Variants in HECW1 observed in about 807,000 individuals in gnomAD.
HECW1 encodes the protein E3 ubiquitin-protein ligase HECW1.
HECW1 carries 61 observed loss-of-function variants against 182.3 expected under a neutral mutation model. The observed-to-expected ratio is 0.33, with a 90% confidence interval of 0.27 to 0.41. The LOEUF (loss-of-function observed/expected upper bound fraction) is 0.41, where lower values mean the gene tolerates loss of function less well. HECW1 is among the 10% of genes least tolerant of loss of function. The pLI, the probability that HECW1 is intolerant of heterozygous loss-of-function variation, is 1.00. For missense variants in HECW1, 1,739 were observed against 2,108.9 expected, an observed-to-expected ratio of 0.82 and a Z score of 3.44; for synonymous variants, 859 against 832.6, an observed-to-expected ratio of 1.03 and a Z score of -0.55.
intron 2 of HECW1, among the ~76,000 whole-genome samples, chr7:43,129,562 C>G (rs895691380): frequency 2.0e-5 from 3 of 152,064 alleles, no homozygotes; most frequent in African/African-American, 7.2e-5. Flanking sequence ...CACTTTATTG[C>G]AGTGGTCTGG....
At chr7:43,496,038 C>G (rs1252440626) in intron 19 of HECW1, among the ~76,000 whole-genome samples, 1 of 151,942 alleles carries the variant, frequency 6.6e-6, no homozygotes, top group East Asian at 1.9e-4. Flanking sequence ...TTCCAAAAGG[C>G]AGTAGACTGT....
rs2304329 is a variant in HECW1 at position 43,466,460 on chromosome 7, A to T, written c.2805A>T (p.Glu935Asp). The change falls in exon 15 of 30, where the codon GAA becomes GAT. Residue 935 changes from glutamate (E) to aspartate (D), a missense_variant. Coordinates refer to ENST00000395891, the MANE Select transcript of HECW1 (RefSeq NM_015052.5). ...ACTTTTTTTCAGATCTAAGGAGAGA[A>T]GGGTCACTTTCTCCAGTGAACTCAC... Reference protein sequence around the residue: ...SSQSSLDLRREGSLSPVNSQK... With the variant: ...SSQSSLDLRRDGSLSPVNSQK... 6.2e-7 allele frequency: 1 copy of T among 1,609,660 alleles called. No individual in the cohort carries two copies. The highest frequency in any genetic ancestry group is 1.7e-5 in the Admixed American group (1 of 59,946).
intron 3 of HECW1, among the ~76,000 whole-genome samples, chr7:43,277,890 T>G (rs1331828506): frequency 6.6e-6 from 1 of 152,180 alleles, no homozygotes; most frequent in Non-Finnish European, 1.5e-5. Context: ...CAGCTTGATG[T>G]GCTTCCAGGA....
chr7:43,346,069 C>G (rs1251110421), intron 5 of HECW1, among the ~76,000 whole-genome samples: 4 of 152,178 alleles, frequency 2.6e-5, no homozygotes, highest in Admixed American at 1.3e-4. Context: ...GGAATTGCCA[C>G]ACTGTTTTCC....
At chr7:43,144,527 T>C (rs1164269488) in intron 2 of HECW1, among the ~76,000 whole-genome samples, 5 of 152,180 alleles carry the variant, frequency 3.3e-5, no homozygotes, top group Non-Finnish European at 7.3e-5. Flanking sequence ...TACTCACTTA[T>C]TTTTGTCAGT....
chr7:43,342,120 G>C (rs116790860), intron 5 of HECW1, among the ~76,000 whole-genome samples: 1 of 151,734 alleles, frequency 6.6e-6, no homozygotes, highest in Non-Finnish European at 1.5e-5. Context: ...CCAGACTCAC[G>C]CCTGAAAAGC....
intron 2 of HECW1, among the ~76,000 whole-genome samples, chr7:43,145,841 A>AAT (rs1788649251): frequency 6.6e-6 from 1 of 152,062 alleles, no homozygotes; most frequent in Admixed American, 6.5e-5. Flanking sequence ...GGTAAAAAAA[A>AAT]ATAATAATAA....
chr7:43,155,146 C>T (rs1350684556), intron 2 of HECW1, among the ~76,000 whole-genome samples: 2 of 152,296 alleles, frequency 1.3e-5, no homozygotes, highest in East Asian at 3.9e-4. Context: ...TTCAAAATAA[C>T]AAACTTTGTG....
intron 3 of HECW1, among the ~76,000 whole-genome samples, chr7:43,297,444 CTG>C (rs1473923444): frequency 6.6e-6 from 1 of 152,144 alleles, no homozygotes; most frequent in Non-Finnish European, 1.5e-5. Flanking sequence ...GACATTGAGA[CTG>C]TGGATGTGTG....
intron 3 of HECW1, among the ~76,000 whole-genome samples, chr7:43,276,667 T>G (rs1401330285): frequency 1.3e-5 from 2 of 152,224 alleles, no homozygotes; most frequent in Admixed American, 1.3e-4. Context: ...TTTAGGCCAA[T>G]GCAGTCTTCC....
At chr7:43,480,395 T>G (rs535344734) in intron 17 of HECW1, among the ~76,000 whole-genome samples, 1 of 152,166 alleles carries the variant, frequency 6.6e-6, no homozygotes, top group Non-Finnish European at 1.5e-5. Context: ...GATCAGTTCC[T>G]GACAATATCA....
Position 43,267,091 on chromosome 7 carries a change from TAAA to T in HECW1, c.27+23163_27+23165del, listed in dbSNP as rs576281541. Reference sequence around the variant, plus strand: ...GAGTTTTAATTCATTATTTTGCACATAAAAAAGATAAATAATATTACATAAAAT... The same window carrying T: ...GAGTTTTAATTCATTATTTTGCACATAAAGATAAATAATATTACATAAAAT... On this transcript the variant is annotated intron_variant, in intron 3 of 29. Transcript: ENST00000395891. 2.5e-3 allele frequency among the ~76,000 whole-genome samples: 388 copies of T among 152,204 alleles called. 5 individuals carry two copies. Among genetic ancestry groups the T allele is most frequent in the Non-Finnish European group, 2.4e-3 (162 of 67,990 alleles).
chr7:43,213,478 C>T (rs1289266636), intron 2 of HECW1, among the ~76,000 whole-genome samples: 1 of 135,338 alleles, frequency 7.4e-6, no homozygotes, highest in Non-Finnish European at 1.5e-5. Flanking sequence ...CGGAGTCTCG[C>T]TCTGTCGCCC....
chr7:43,526,431 T>G (rs561429374), intron 24 of HECW1, among the ~76,000 whole-genome samples: 10 of 152,246 alleles, frequency 6.6e-5, no homozygotes, highest in African/African-American at 2.4e-4. Context: ...TTATGATTCA[T>G]AGAAAGATTG....
At chr7:43,228,262 A>C (rs894333817) in intron 2 of HECW1, among the ~76,000 whole-genome samples, 5 of 152,114 alleles carry the variant, frequency 3.3e-5, no homozygotes, top group Non-Finnish European at 7.4e-5. Flanking sequence ...AAGGCAGGGG[A>C]ATCACTTGAG....
chr7:43,512,050 C>A, intron 24 of HECW1: 1 of 217,222 alleles, frequency 4.6e-6, no homozygotes, highest in Non-Finnish European at 9.3e-6. Context: ...GTGGGCGTAG[C>A]TGCTGCTGAT....
At chr7:43,181,609 ATACT>A (rs1219947972) in intron 2 of HECW1, among the ~76,000 whole-genome samples, 1 of 150,692 alleles carries the variant, frequency 6.6e-6, no homozygotes, top group Non-Finnish European at 1.5e-5. Context: ...ATTTTTTTAC[ATACT>A]TGTTGACTAT....
chr7:43,499,881 T>G (rs2079270213), intron 19 of HECW1, among the ~76,000 whole-genome samples: 1 of 152,184 alleles, frequency 6.6e-6, no homozygotes, highest in Non-Finnish European at 1.5e-5. Context: ...GGAGGTTGTC[T>G]AAAAGGATCA....
At position 43,117,046 on chromosome 7, in the gene HECW1, C is replaced by T. The variant is rs769693814; in HGVS notation, c.-32+2655C>T. Reference sequence around the variant, plus strand: ...CTTTGAGCCTTCTGTTAAAACTATTCTTTATACATTTCTATAATCCTTTCT... The same window carrying T: ...CTTTGAGCCTTCTGTTAAAACTATTTTTTATACATTTCTATAATCCTTTCT... On this transcript the variant is annotated intron_variant, in intron 2 of 29. Coordinates refer to ENST00000395891, the MANE Select transcript of HECW1 (RefSeq NM_015052.5). Among the ~76,000 whole-genome samples the T allele has an allele frequency of 4.6e-4, 70 of 152,150 alleles. 1 individual carries two copies. Among genetic ancestry groups the T allele is most frequent in the Admixed American group, 4.2e-3 (64 of 15,276 alleles).
Sources: allele counts gnomAD v4.1 joint callset (sites outside exome capture counted in the v4.1 genomes callset), GRCh38; gene constraint gnomAD v4.1.1; transcripts MANE v1.5; gene names NCBI Gene and HGNC (gene_info 2026-07-23, HGNC 2026-07-21).